Variants in EHD4 observed in about 807,000 individuals in gnomAD.
The protein encoded by EHD4 is EH domain containing 4, also known as EH domain-containing protein 4.
In EHD4, 37 loss-of-function variants were observed where a neutral mutation model predicts 51.0. That is an observed-to-expected ratio of 0.73 (90% confidence interval 0.56 to 0.95). The LOEUF is 0.95. EHD4 is among the 40% of genes least tolerant of loss of function. The probability of loss-of-function intolerance (pLI) is 0.00; values close to 1 mark genes in which losing one functional copy is unlikely to be tolerated. For missense variants in EHD4, 632 were observed against 733.1 expected (o/e 0.86, Z 1.59); for synonymous variants, 297 against 317.3 (o/e 0.94, Z 0.68).
At chr15:41,915,988 C>T (rs566102117) in intron 4 of EHD4, among the ~76,000 whole-genome samples, 22 of 152,304 alleles carry the variant, frequency 1.4e-4, no homozygotes, top group African/African-American at 4.8e-4. Context: ...TAAAATGTCA[C>T]CTTTATGACA....
In EHD4 at chr15:41,899,506, GA is replaced by G. The variant is rs112861844; in HGVS notation, c.*1138del. ...TGTATAAAGGCTTTTATCCTGTAAG[GA>G]AAAAAAAAAAACACAAAACCCTAGA... On this transcript the variant is annotated 3_prime_UTR_variant, in exon 6 of 6. Coordinates refer to ENST00000220325, the MANE Select transcript of EHD4 (RefSeq NM_139265.4). 0.01 allele frequency: 1,469 copies of G among 140,808 alleles called. 9 individuals carry two copies. The highest frequency in any genetic ancestry group is 0.022 in the Middle Eastern group (6 of 270). 8.7% of individuals were successfully genotyped at this position (140,808 alleles called of 1,614,324 possible). A position where few individuals can be genotyped will look rare whatever the true frequency, so the allele number is the denominator to read the frequency against.
At chr15:41,908,756 G>A (rs949369599) in intron 5 of EHD4, 4 of 152,220 alleles carry the variant, frequency 2.6e-5, no homozygotes, top group Non-Finnish European at 5.9e-5. Flanking sequence ...CACACCTCGG[G>A]ATGGTTTTCT....
chr15:41,954,512 T>C (rs528828567), intron 1 of EHD4, among the ~76,000 whole-genome samples: 7 of 152,358 alleles, frequency 4.6e-5, no homozygotes, highest in Admixed American at 2.6e-4. Context: ...TCTGTGACTA[T>C]TTCCAGGGAA....
intron 3 of EHD4, chr15:41,921,683 A>G (rs903467181): frequency 6.6e-6 from 1 of 152,192 alleles, no homozygotes; most frequent in African/African-American, 2.4e-5. Flanking sequence ...TAGTGATCAG[A>G]TGGGGTATCT....
chr15:41,901,330 A>T, intron 5 of EHD4, 149 bp from the exon 6 acceptor site: 1 of 733,022 alleles, frequency 1.4e-6, no homozygotes, highest in Non-Finnish European at 2.0e-6. Flanking sequence ...CCACATCCAG[A>T]TGTACCACAT....
At chr15:41,923,289 C>T (rs150515124) in intron 3 of EHD4, among the ~76,000 whole-genome samples, 165 of 152,322 alleles carry the variant, frequency 1.1e-3, no homozygotes, top group Non-Finnish European at 2.0e-3. Flanking sequence ...CAAGGTCCAT[C>T]TGTGGTGTAG....
intron 3 of EHD4, among the ~76,000 whole-genome samples, chr15:41,929,277 G>A (rs1248555325): frequency 6.6e-6 from 1 of 152,174 alleles, no homozygotes; most frequent in African/African-American, 2.4e-5. Context: ...AAATAAACAA[G>A]CTAACCTCAC....
chr15:41,961,467 G>C (rs2067923959), intron 1 of EHD4, among the ~76,000 whole-genome samples: 1 of 152,166 alleles, frequency 6.6e-6, no homozygotes, highest in Non-Finnish European at 1.5e-5. Context: ...TTTGATCTGG[G>C]AGTACTGTAA....
At chr15:41,965,421 C>T (rs1049696262) in intron 1 of EHD4, among the ~76,000 whole-genome samples, 9 of 152,190 alleles carry the variant, frequency 5.9e-5, no homozygotes, top group Non-Finnish European at 1.3e-4. Flanking sequence ...GGGTTTGGAA[C>T]GGATGGAAGG....
intron 2 of EHD4, among the ~76,000 whole-genome samples, chr15:41,945,172 G>A (rs983988544): frequency 1.3e-5 from 2 of 152,108 alleles, no homozygotes; most frequent in South Asian, 2.1e-4. Flanking sequence ...TCACACCTAC[G>A]TGAAACAATT....
chr15:41,921,750 C>T (rs1389593050), intron 3 of EHD4: 1 of 152,208 alleles, frequency 6.6e-6, no homozygotes, highest in East Asian at 1.9e-4. Flanking sequence ...ATGTGAGTTG[C>T]TTTTGCTGAA....
chr15:41,931,275 G>A (rs945382477), intron 3 of EHD4, among the ~76,000 whole-genome samples: 2 of 152,208 alleles, frequency 1.3e-5, no homozygotes, highest in African/African-American at 4.8e-5. Flanking sequence ...ACTTTGGGAG[G>A]CTGAGGCAGG....
rs1174605807 is a variant in EHD4, at chr15:41,898,420, G to C, written c.*2225C>G. The C allele has an allele frequency of 6.6e-6, 1 of 152,216 alleles. No homozygotes were observed. The highest frequency in any genetic ancestry group is 1.5e-5 in the Non-Finnish European group (1 of 68,044). The allele number at this position is 152,216 out of a possible 1,614,324, so 9.4% of individuals were successfully genotyped here. Reference sequence around the variant, plus strand: ...TGTTTATATATGACAATTGAGGAGAGTTAAAGAACAAGATAATTCTGGATG... The same window carrying C: ...TGTTTATATATGACAATTGAGGAGACTTAAAGAACAAGATAATTCTGGATG... On this transcript the variant is annotated 3_prime_UTR_variant, in exon 6 of 6. Transcript: ENST00000220325.
chr15:41,914,991 T>G (rs750831538), intron 4 of EHD4, among the ~76,000 whole-genome samples: 1 of 151,846 alleles, frequency 6.6e-6, no homozygotes, highest in African/African-American at 2.4e-5. Flanking sequence ...ATTTTTTTTG[T>G]AATTTTTGTA....
At chr15:41,917,633 A>G (rs2067593662) in intron 4 of EHD4, among the ~76,000 whole-genome samples, 1 of 152,234 alleles carries the variant, frequency 6.6e-6, no homozygotes, top group Non-Finnish European at 1.5e-5. Context: ...TACCTGCTGG[A>G]GAAAGGAAAC....
At chr15:41,906,288 C>G (rs1220505047) in intron 5 of EHD4, among the ~76,000 whole-genome samples, 1 of 152,090 alleles carries the variant, frequency 6.6e-6, no homozygotes, top group African/African-American at 2.4e-5. Flanking sequence ...ACCTTTTTTG[C>G]ATACTCACAA....
chr15:41,963,074 T>G (rs1220389025), intron 1 of EHD4, among the ~76,000 whole-genome samples: 1 of 152,170 alleles, frequency 6.6e-6, no homozygotes, highest in African/African-American at 2.4e-5. Context: ...TGTGCTTTGT[T>G]AAACAGATGC....
In EHD4 at chr15:41,900,374, T is replaced by G; in HGVS notation, c.*271A>C. On this transcript the variant is annotated 3_prime_UTR_variant, in exon 6 of 6. Transcript: ENST00000220325. The surrounding 1 kb of genome is among the most constrained non-coding windows in gnomAD (Gnocchi z 4.8). ...CCCCATGCGCATTTCTCCAGGCAGG[T>G]TCTGAGGACTCTTTGGACAATTTCT... is the stretch of plus-strand genomic sequence containing the variant. 1 of 472,066 alleles carries G rather than the reference T, an allele frequency of 2.1e-6. No homozygotes were observed. Among genetic ancestry groups the G allele is most frequent in the Non-Finnish European group, 3.8e-6 (1 of 264,136 alleles). 29.2% of individuals were successfully genotyped at this position (472,066 alleles called of 1,614,324 possible). A position where few individuals can be genotyped will look rare whatever the true frequency, so the allele number is the denominator to read the frequency against.
intron 2 of EHD4, among the ~76,000 whole-genome samples, chr15:41,949,402 C>G (rs982358793): frequency 4.6e-5 from 7 of 151,916 alleles, no homozygotes; most frequent in African/African-American, 1.5e-4. Context: ...AAAATCAAAA[C>G]TCAAAAGCTA....
Sources: gnomAD v4.1 joint callset for allele counts (sites outside exome capture counted in the v4.1 genomes callset) on GRCh38, gnomAD v4.1.1 for gene constraint, Gnocchi (gnomAD v3.1) non-coding constraint, MANE v1.5 for transcripts, NCBI Gene and HGNC (gene_info 2026-07-23, HGNC 2026-07-21) for gene names.